The following CLASP1 variants were observed in gnomAD, a reference collection of about 807,000 sequenced individuals.
CLASP1 encodes the protein CLIP-associating protein 1.
A neutral mutation model predicts 192.3 loss-of-function variants in CLASP1; 38 were observed. The ratio of observed to expected loss-of-function variants is 0.20; its 90% CI spans 0.15 to 0.26. The LOEUF is 0.26. CLASP1 is among the 10% of genes least tolerant of loss of function. CLASP1 has a pLI of 1.00. For synonymous variants in CLASP1, 691 were observed against 712.8 expected (o/e 0.97, Z 0.49); for missense variants, 1,433 against 1,932.5 (o/e 0.74, Z 4.85).
intron 39 of CLASP1, among the ~76,000 whole-genome samples, chr2:121,342,637 T>C (rs2062922986): frequency 6.6e-6 from 1 of 151,656 alleles, no homozygotes; most frequent in Non-Finnish European, 1.5e-5. Flanking sequence ...ATAAACAAAA[T>C]AGAGAACAGA....
At chr2:121,392,553 A>G (rs760829773) in intron 30 of CLASP1, among the ~76,000 whole-genome samples, 5 of 152,146 alleles carry the variant, frequency 3.3e-5, no homozygotes, top group East Asian at 1.9e-4. Context: ...TGGAACTACA[A>G]GCATGCGCCA....
At chr2:121,409,282 C>G (rs1320184492) in intron 24 of CLASP1, among the ~76,000 whole-genome samples, 1 of 152,188 alleles carries the variant, frequency 6.6e-6, no homozygotes, top group Non-Finnish European at 1.5e-5. Context: ...TGCTGTAATT[C>G]TTTGCTAAAA....
At chr2:121,464,196 T>C (rs2088876486) in intron 9 of CLASP1, among the ~76,000 whole-genome samples, 1 of 152,150 alleles carries the variant, frequency 6.6e-6, no homozygotes, top group Non-Finnish European at 1.5e-5. Context: ...TATGGATGCA[T>C]AGTGTTCCAT....
At position 121,373,275 on chromosome 2, in the gene CLASP1, C is replaced by G. The variant is rs141135671; in HGVS notation, c.3642+4224G>C. On this transcript the variant is annotated intron_variant, in intron 34 of 39. Transcript: ENST00000263710. The stretch of plus-strand genomic sequence containing the variant: ...GAAGACATACTTGCTTCCCCTTTGC[C>G]TTTCTGCCATGATTGTAAGTTTCCT... Among the ~76,000 whole-genome samples, 279 of 152,304 alleles carry G rather than the reference C, an allele frequency of 1.8e-3. 1 individual carries two copies. The highest frequency in any genetic ancestry group is 6.4e-3 in the African/African-American group (266 of 41,560).
chr2:121,627,828 AC>A (rs1266193233), intron 1 of CLASP1, among the ~76,000 whole-genome samples: 4 of 152,176 alleles, frequency 2.6e-5, no homozygotes, highest in Non-Finnish European at 1.5e-5. Flanking sequence ...GTTACTTCAA[AC>A]CCTTTCAATG....
intron 39 of CLASP1, among the ~76,000 whole-genome samples, chr2:121,345,471 T>C (rs902685194): frequency 6.6e-6 from 1 of 152,230 alleles, no homozygotes; most frequent in African/African-American, 2.4e-5. Context: ...ATGTTCTTTT[T>C]GGATGAATTT....
chr2:121,355,036 A>G (rs946308596), intron 37 of CLASP1, among the ~76,000 whole-genome samples: 3 of 152,174 alleles, frequency 2.0e-5, no homozygotes, highest in African/African-American at 7.2e-5. Flanking sequence ...TGCTGGGAAA[A>G]AAGGCTGTTT....
chr2:121,427,565 A>G (rs1172625703), intron 20 of CLASP1, 135 bp from the exon 21 acceptor site: 25 of 847,552 alleles, frequency 2.9e-5, no homozygotes, highest in Non-Finnish European at 4.8e-5. Flanking sequence ...TATATTTCCT[A>G]GGACTTGTTC....
At chr2:121,552,043 C>T (rs1166058441) in intron 2 of CLASP1, among the ~76,000 whole-genome samples, 1 of 152,124 alleles carries the variant, frequency 6.6e-6, no homozygotes, top group South Asian at 2.1e-4. Flanking sequence ...GGCTGCACAC[C>T]TATGACCATC....
intron 2 of CLASP1, among the ~76,000 whole-genome samples, chr2:121,597,692 G>A (rs552532385): frequency 3.9e-5 from 6 of 152,338 alleles, no homozygotes; most frequent in East Asian, 3.9e-4. Flanking sequence ...AGAAAGGCCT[G>A]TGGGACTGTA....
chr2:121,438,352 C>T (rs1317218161), intron 19 of CLASP1, among the ~76,000 whole-genome samples: 1 of 151,928 alleles, frequency 6.6e-6, no homozygotes, highest in Admixed American at 6.6e-5. Flanking sequence ...TTTTTTCCCC[C>T]TCTGTTTAAG....
At chr2:121,614,018 C>T (rs1475591329) in intron 1 of CLASP1, among the ~76,000 whole-genome samples, 1 of 152,126 alleles carries the variant, frequency 6.6e-6, no homozygotes, top group Non-Finnish European at 1.5e-5. Flanking sequence ...GGCTGGGCCT[C>T]TCTCCACACA....
At chr2:121,608,118 C>T (rs1474115716) in intron 1 of CLASP1, among the ~76,000 whole-genome samples, 1 of 152,198 alleles carries the variant, frequency 6.6e-6, no homozygotes, top group Non-Finnish European at 1.5e-5. Flanking sequence ...GCTTCAAAAG[C>T]AGCTATTATC....
intron 2 of CLASP1, chr2:121,532,814 T>C (rs1273543339): frequency 6.6e-6 from 1 of 152,222 alleles, no homozygotes; most frequent in Admixed American, 6.5e-5. Flanking sequence ...GGCTCATTAA[T>C]TGTAATAAAC....
chr2:121,647,230 T>A (rs1472030993), intron 1 of CLASP1, among the ~76,000 whole-genome samples: 2 of 151,944 alleles, frequency 1.3e-5, no homozygotes, highest in African/African-American at 4.8e-5. Context: ...TAGCTGGGCA[T>A]GGTTGTGGGT....
At chr2:121,465,421 T>C (rs921334545) in intron 9 of CLASP1, among the ~76,000 whole-genome samples, 4 of 152,178 alleles carry the variant, frequency 2.6e-5, no homozygotes, top group Non-Finnish European at 4.4e-5. Context: ...CCATTCACAA[T>C]TGCTTCAAAG....
intron 8 of CLASP1, among the ~76,000 whole-genome samples, chr2:121,499,068 C>T (rs2093643297): frequency 6.6e-6 from 1 of 152,188 alleles, no homozygotes; most frequent in African/African-American, 2.4e-5. Flanking sequence ...AATTCTACTG[C>T]AAGGTATACA....
At chr2:121,541,842 G>A (rs950841039) in intron 2 of CLASP1, among the ~76,000 whole-genome samples, 5 of 152,084 alleles carry the variant, frequency 3.3e-5, no homozygotes, top group Admixed American at 1.3e-4. Context: ...CAAAATGCTC[G>A]GAATGTCACA....
At chr2:121,605,197 A>AT (rs1443172217) in intron 2 of CLASP1, among the ~76,000 whole-genome samples, 2 of 139,600 alleles carry the variant, frequency 1.4e-5, no homozygotes, top group Non-Finnish European at 3.0e-5. Flanking sequence ...CCTCTAGGCC[A>AT]TTACACACAG....
Sources: gnomAD v4.1 joint callset for allele counts (sites outside exome capture counted in the v4.1 genomes callset) on GRCh38, gnomAD v4.1.1 for gene constraint, MANE v1.5 for transcripts, NCBI Gene and HGNC (gene_info 2026-07-23, HGNC 2026-07-21) for gene names.